The following NAALADL2 variants were observed in gnomAD, a reference collection of about 807,000 sequenced individuals.
The protein encoded by NAALADL2 is inactive N-acetylated-alpha-linked acidic dipeptidase-like protein 2.
NAALADL2 carries 76 observed loss-of-function variants against 87.2 expected under a neutral mutation model. The ratio of observed to expected loss-of-function variants is 0.87; its 90% CI spans 0.72 to 1.05. The LOEUF is 1.05. Ranked by LOEUF, NAALADL2 falls within the 50% of genes least tolerant of loss-of-function variation. NAALADL2 has a pLI of 0.00. For missense variants in NAALADL2, 1,089 were observed against 945.8 expected (o/e 1.15, Z -1.99); for synonymous variants, 354 against 331.0 (o/e 1.07, Z -0.75).
At chr3:175,328,498 C>T (rs1278413371) in intron 5 of NAALADL2, among the ~76,000 whole-genome samples, 1 of 151,876 alleles carries the variant, frequency 6.6e-6, no homozygotes, top group East Asian at 1.9e-4. Flanking sequence ...CGGGGAGCAT[C>T]TTCTGTTTCT....
At chr3:175,756,674 G>A (rs1747302277) in intron 13 of NAALADL2, among the ~76,000 whole-genome samples, 1 of 152,036 alleles carries the variant, frequency 6.6e-6, no homozygotes, top group Non-Finnish European at 1.5e-5. Flanking sequence ...GCAAAAGAGG[G>A]AGAGTTGAAA....
At chr3:175,283,975 GA>G (rs113334435) in intron 4 of NAALADL2, among the ~76,000 whole-genome samples, 8,388 of 151,458 alleles carry the variant, frequency 0.055, 281 homozygotes, top group East Asian at 0.13. Flanking sequence ...TTATAAACAG[GA>G]AAAAAAATAA....
chr3:175,371,946 T>C (rs545071785), intron 5 of NAALADL2, among the ~76,000 whole-genome samples: 1 of 152,316 alleles, frequency 6.6e-6, no homozygotes, highest in Non-Finnish European at 1.5e-5. Flanking sequence ...TAATAAGTTT[T>C]AGAAGAAATA....
intron 2 of NAALADL2, among the ~76,000 whole-genome samples, chr3:175,227,511 A>T (rs1744324496): frequency 6.6e-6 from 1 of 151,988 alleles, no homozygotes; most frequent in Non-Finnish European, 1.5e-5. Context: ...ATACCCTTCA[A>T]TTTTTGCAAA....
intron 9 of NAALADL2, among the ~76,000 whole-genome samples, chr3:175,512,834 A>T (rs1731343568): frequency 6.6e-6 from 1 of 152,206 alleles, no homozygotes; most frequent in Non-Finnish European, 1.5e-5. Context: ...CGGCCAGCAG[A>T]AGCAAACAAT....
chr3:174,942,031 G>A (rs1738682775), intron 1 of NAALADL2, among the ~76,000 whole-genome samples: 1 of 152,022 alleles, frequency 6.6e-6, no homozygotes, highest in Admixed American at 6.6e-5. Flanking sequence ...ATGTGGATTT[G>A]AGTCTGTCAT....
chr3:175,584,757 T>C (rs912560386), intron 10 of NAALADL2, among the ~76,000 whole-genome samples: 17 of 152,154 alleles, frequency 1.1e-4, no homozygotes, highest in African/African-American at 4.1e-4. Context: ...TCTAAACATA[T>C]AAAAAGTGCA....
At chr3:175,148,267 C>T (rs558500172) in intron 2 of NAALADL2, among the ~76,000 whole-genome samples, 1 of 151,494 alleles carries the variant, frequency 6.6e-6, no homozygotes, top group Non-Finnish European at 1.5e-5. Flanking sequence ...AGTGTCTGCT[C>T]ATTTTTTGCC....
chr3:175,710,442 C>T (rs1247436381), intron 11 of NAALADL2, among the ~76,000 whole-genome samples: 1 of 151,950 alleles, frequency 6.6e-6, no homozygotes, highest in Admixed American at 6.6e-5. Flanking sequence ...CAATTAATAG[C>T]GGTATTTAAT....
intron 2 of NAALADL2, among the ~76,000 whole-genome samples, chr3:174,556,202 CATT>C (rs1301537056): frequency 2.6e-5 from 4 of 152,084 alleles, no homozygotes; most frequent in African/African-American, 9.7e-5. Context: ...TCAAACTGCT[CATT>C]ATTCTATTCC....
chr3:175,739,164 T>C (rs1478264311), intron 12 of NAALADL2, among the ~76,000 whole-genome samples: 1 of 152,176 alleles, frequency 6.6e-6, no homozygotes, highest in African/African-American at 2.4e-5. Context: ...GAATTATAAA[T>C]GATAGGTTGC....
At chr3:174,522,463 C>T (rs1720362292) in intron 1 of NAALADL2, among the ~76,000 whole-genome samples, 1 of 151,832 alleles carries the variant, frequency 6.6e-6, no homozygotes, top group Admixed American at 6.6e-5. Flanking sequence ...TAGTTTGAGA[C>T]CAGCTTGGAT....
In NAALADL2 at chr3:175,716,264, AAT is replaced by A. The variant is rs200129179; in HGVS notation, c.1897-21034_1897-21033del. 8.9e-3 allele frequency among the ~76,000 whole-genome samples: 1,185 copies of A among 133,064 alleles called. 18 individuals carry two copies. The highest frequency in any genetic ancestry group is 0.04 in the African/African-American group (1,127 of 28,214). The allele number at this position is 133,064 out of a possible 152,430, so 87.3% of individuals were successfully genotyped here. A position where few individuals can be genotyped will look rare whatever the true frequency, so the allele number is the denominator to read the frequency against. On this transcript the variant is annotated intron_variant, in intron 11 of 13. Transcript: ENST00000454872. The stretch of plus-strand genomic sequence containing the variant: ...GAATACATATATAATATATGTATAT[AAT>A]ATATATAATATATATTATGTTATTA...
In NAALADL2 at chr3:174,588,330, G is replaced by A. The variant is rs137884043; in HGVS notation, c.-115+37693G>A. Reference sequence around the variant, plus strand: ...GGGTTCGAACATCCTCCTTTAGCTCGGAGAAGTTTGTTATTACCGATCGTC... The same window carrying A: ...GGGTTCGAACATCCTCCTTTAGCTCAGAGAAGTTTGTTATTACCGATCGTC... On this transcript the variant is annotated intron_variant, in intron 2 of 3. Coordinates refer to the NAALADL2 transcript ENST00000434257. Among the ~76,000 whole-genome samples the A allele has an allele frequency of 2.0e-3, 305 of 152,004 alleles. 2 individuals are homozygous for A. Among genetic ancestry groups the A allele is most frequent in the African/African-American group, 7.0e-3 (290 of 41,476 alleles).
At chr3:174,654,770 C>G (rs1724729377) in intron 2 of NAALADL2, among the ~76,000 whole-genome samples, 1 of 152,172 alleles carries the variant, frequency 6.6e-6, no homozygotes, top group African/African-American at 2.4e-5. Flanking sequence ...GAGTCTTGCT[C>G]TGTCACCCAG....
intron 10 of NAALADL2, among the ~76,000 whole-genome samples, chr3:175,619,142 C>G (rs190150506): frequency 3.9e-5 from 6 of 151,986 alleles, no homozygotes; most frequent in Admixed American, 1.3e-4. Context: ...AGCATCTCCT[C>G]CATTGCTTCC....
At chr3:175,248,321 A>T (rs1748386573) in intron 3 of NAALADL2, among the ~76,000 whole-genome samples, 2 of 152,230 alleles carry the variant, frequency 1.3e-5, no homozygotes, top group African/African-American at 4.8e-5. Flanking sequence ...ATTAGAGATG[A>T]TAATGAATAC....
intron 13 of NAALADL2, among the ~76,000 whole-genome samples, chr3:175,767,407 G>A (rs1748858782): frequency 6.6e-6 from 1 of 151,912 alleles, no homozygotes; most frequent in Admixed American, 6.6e-5. Flanking sequence ...CATATAGTGA[G>A]GTTCTAGTAT....
intron 11 of NAALADL2, among the ~76,000 whole-genome samples, chr3:175,671,438 T>G (rs985773788): frequency 1.3e-5 from 2 of 151,990 alleles, no homozygotes; most frequent in South Asian, 2.1e-4. Flanking sequence ...AATGATAGTT[T>G]CAGATATCTT....
Sources: allele counts gnomAD v4.1 joint callset (sites outside exome capture counted in the v4.1 genomes callset), GRCh38; gene constraint gnomAD v4.1.1; transcripts MANE v1.5; gene names NCBI Gene and HGNC (gene_info 2026-07-23, HGNC 2026-07-21).